ARHGAP17: variants seen among roughly 807,000 people sequenced by gnomAD.
ARHGAP17 encodes Rho GTPase activating protein 17, also known as rho GTPase-activating protein 17.
ARHGAP17 carries 57 observed loss-of-function variants against 99.5 expected under a neutral mutation model. The observed-to-expected ratio is 0.57, with a 90% CI of 0.46 to 0.71. The LOEUF (loss-of-function observed/expected upper bound fraction) is 0.71. Among genes scored for constraint, ARHGAP17 ranks in the 30% least tolerant of loss-of-function variants. The pLI, the probability that ARHGAP17 is intolerant of heterozygous loss-of-function variation, is 0.00. For missense variants in ARHGAP17, 1,000 were observed against 1,122.4 expected (o/e 0.89, Z 1.56); for synonymous variants, 417 against 429.6 (o/e 0.97, Z 0.36).
intron 14 of ARHGAP17, among the ~76,000 whole-genome samples, chr16:24,947,199 G>A (rs1204062054): frequency 1.3e-5 from 2 of 152,186 alleles, no homozygotes; most frequent in Non-Finnish European, 2.9e-5. Context: ...ATAAATATGT[G>A]TATTTTTCTT....
Position 25,003,001 on chromosome 16 carries a change from T to C in ARHGAP17, c.53+12208A>G, listed in dbSNP as rs368891646. On this transcript the variant is annotated intron_variant, in intron 1 of 19. Transcript: ENST00000289968. The stretch of plus-strand genomic sequence containing the variant: ...TTGCAGTGAGCCGAGATTATGCCAC[T>C]GCACTCCAGCCTGGGGAACAGAGCG... 1.4e-4 allele frequency among the ~76,000 whole-genome samples: 17 copies of C among 118,722 alleles called. No homozygotes were observed. In the East Asian group the frequency reaches 3.8e-3, roughly 26 times the overall value. The allele number at this position is 118,722 out of a possible 152,430, so 77.9% of individuals were successfully genotyped here.
At chr16:24,950,855 A>AAAAAAAAAAAAAAAAAAAAAAAAAAAC (rs2051619760) in intron 12 of ARHGAP17, among the ~76,000 whole-genome samples, 1 of 149,786 alleles carries the variant, frequency 6.7e-6, no homozygotes, top group African/African-American at 2.5e-5. Context: ...AAAAAAAAAA[A>AAAAAAAAAAAAAAAAAAAAAAAAAAAC]AAAGAAAAAA....
At chr16:24,987,663 G>A (rs568795216) in intron 1 of ARHGAP17, among the ~76,000 whole-genome samples, 125 of 152,022 alleles carry the variant, frequency 8.2e-4, no homozygotes, top group South Asian at 4.4e-3. Context: ...GCCAACACTA[G>A]CATCAAACAT....
intron 1 of ARHGAP17, among the ~76,000 whole-genome samples, chr16:25,000,820 G>A (rs2053341327): frequency 6.6e-6 from 1 of 152,070 alleles, no homozygotes; most frequent in Admixed American, 6.6e-5. Flanking sequence ...CATATAGTTG[G>A]ACTACTACAA....
At position 24,953,139 on chromosome 16, in the gene ARHGAP17, C is replaced by T. The variant is rs969882113; in HGVS notation, c.853-97G>A. On this transcript the variant is annotated intron_variant, in intron 10 of 19. Transcript: ENST00000289968. ...ATGGGTATTTCCTGACTTCCGCTCACCTCCTGTCTATGAAAGCAGTGTTAC... is the reference window on the plus strand; with the variant it reads ...ATGGGTATTTCCTGACTTCCGCTCATCTCCTGTCTATGAAAGCAGTGTTAC... 11 of 1,096,214 alleles carry T rather than the reference C, an allele frequency of 1.0e-5. No homozygotes were observed. In the Admixed American group the frequency reaches 2.0e-4, roughly 20 times the overall value. 67.9% of individuals were successfully genotyped at this position (1,096,214 alleles called of 1,614,324 possible).
chr16:24,938,700 A>G (rs537553057), intron 17 of ARHGAP17, among the ~76,000 whole-genome samples: 2 of 147,972 alleles, frequency 1.4e-5, no homozygotes, highest in African/African-American at 2.5e-5. Flanking sequence ...TGGGCCTAGG[A>G]GGCGGAGGGT....
intron 10 of ARHGAP17, among the ~76,000 whole-genome samples, chr16:24,953,475 T>C (rs2051706408): frequency 6.6e-6 from 1 of 152,162 alleles, no homozygotes; most frequent in Admixed American, 6.5e-5. Context: ...GCTGTTCTTG[T>C]GATAGTGAGT....
intron 18 of ARHGAP17, among the ~76,000 whole-genome samples, chr16:24,932,671 G>T (rs1425271617): frequency 6.6e-6 from 1 of 152,030 alleles, no homozygotes; most frequent in Non-Finnish European, 1.5e-5. Context: ...AGTTGCCTTA[G>T]AATTATTTCT....
chr16:24,987,509 T>C (rs909131812), intron 1 of ARHGAP17, among the ~76,000 whole-genome samples: 2 of 152,076 alleles, frequency 1.3e-5, no homozygotes, highest in African/African-American at 2.4e-5. Flanking sequence ...ATTTCAGAGG[T>C]TGAGAGACGC....
chr16:25,011,154 T>C (rs1459473499), intron 1 of ARHGAP17, among the ~76,000 whole-genome samples: 3 of 152,168 alleles, frequency 2.0e-5, no homozygotes, highest in Non-Finnish European at 2.9e-5. Flanking sequence ...AAACAAAACA[T>C]CTCTCTTTTT....
In ARHGAP17 at chr16:24,935,445, G is replaced by A. The variant is rs1368890424; in HGVS notation, c.1894+25C>T. ...GGAGGTCTGCACAGGCTTCCCTGAGGGCAAGGAGGACGGTGGCTGCTTACC... is the reference window on the plus strand; with the variant it reads ...GGAGGTCTGCACAGGCTTCCCTGAGAGCAAGGAGGACGGTGGCTGCTTACC... On this transcript the variant is annotated intron_variant, in intron 18 of 19. Transcript: ENST00000289968. 4.4e-5 allele frequency: 68 copies of A among 1,562,424 alleles called. No homozygotes were observed. In the Admixed American group the frequency reaches 5.4e-4, roughly 12 times the overall value.
At chr16:24,969,830 T>C (rs2052307162) in intron 4 of ARHGAP17, among the ~76,000 whole-genome samples, 3 of 152,196 alleles carry the variant, frequency 2.0e-5, no homozygotes, top group South Asian at 4.1e-4. Flanking sequence ...GAGGAAACTG[T>C]TCTAGGACAG....
intron 1 of ARHGAP17, among the ~76,000 whole-genome samples, chr16:24,988,347 T>C (rs911404942): frequency 5.3e-5 from 8 of 152,066 alleles, no homozygotes; most frequent in African/African-American, 1.4e-4. Context: ...TGGGAAAAAA[T>C]TGTTCCCATG....
At chr16:24,922,697 A>T (rs1486169012) in intron 19 of ARHGAP17, among the ~76,000 whole-genome samples, 1 of 151,958 alleles carries the variant, frequency 6.6e-6, no homozygotes, top group Non-Finnish European at 1.5e-5. Context: ...TTTTTTTGAG[A>T]TGGGGTCTTG....
chr16:24,931,506 A>AGCATCAT, intron 18 of ARHGAP17, 102 bp from the exon 19 acceptor site: 1 of 1,209,726 alleles, frequency 8.3e-7, no homozygotes, highest in South Asian at 1.8e-5. Flanking sequence ...AAGGTACACC[A>AGCATCAT]GCATCATGTA....
rs144592586 is a variant in ARHGAP17, at chr16:24,938,427, C to T, written c.1724+937G>A. Among the ~76,000 whole-genome samples, 1,214 of 151,960 alleles carry T rather than the reference C, an allele frequency of 8.0e-3. 16 individuals carry two copies. Among genetic ancestry groups the T allele is most frequent in the Middle Eastern group, 0.024 (7 of 294 alleles). Reference sequence around the variant, plus strand: ...GTTGCTATCCATTTGCAGCCCACTCCAGGTGGCTTATCCAAAGGTTAAGCA... The same window carrying T: ...GTTGCTATCCATTTGCAGCCCACTCTAGGTGGCTTATCCAAAGGTTAAGCA... On this transcript the variant is annotated intron_variant, in intron 17 of 19. Transcript: ENST00000289968.
intron 3 of ARHGAP17, among the ~76,000 whole-genome samples, chr16:24,974,082 C>G: frequency 6.6e-6 from 1 of 152,204 alleles, no homozygotes; most frequent in Non-Finnish European, 1.5e-5. Flanking sequence ...AGAAGAAGCA[C>G]TTCTAACATT....
intron 3 of ARHGAP17, among the ~76,000 whole-genome samples, chr16:24,972,056 A>G (rs776112161): frequency 6.6e-6 from 1 of 152,242 alleles, no homozygotes; most frequent in Admixed American, 6.5e-5. Context: ...CCCAGCAGAA[A>G]GGGCATTCAT....
intron 19 of ARHGAP17, among the ~76,000 whole-genome samples, chr16:24,924,003 A>G (rs73555417): frequency 1.3e-5 from 2 of 152,112 alleles, no homozygotes; most frequent in African/African-American, 4.8e-5. Context: ...CTCACCCTTC[A>G]AGAAGTCCAA....
Sources: gnomAD v4.1 joint callset for allele counts (sites outside exome capture counted in the v4.1 genomes callset) on GRCh38, gnomAD v4.1.1 for gene constraint, MANE v1.5 for transcripts, NCBI Gene and HGNC (gene_info 2026-07-23, HGNC 2026-07-21) for gene names.